The following CRYZL1 variants were observed in gnomAD, a reference collection of about 807,000 sequenced individuals.
CRYZL1 encodes ferry endosomal RAB5 effector complex subunit 4.
CRYZL1 carries 34 observed loss-of-function variants against 50.6 expected under a neutral mutation model. The ratio of observed to expected loss-of-function variants is 0.67; its 90% CI spans 0.51 to 0.89. The LOEUF (loss-of-function observed/expected upper bound fraction) is 0.89. Ranked by LOEUF, CRYZL1 falls within the 40% of genes least tolerant of loss-of-function variation. The probability of loss-of-function intolerance (pLI) is 0.00; values close to 1 mark genes in which losing one functional copy is unlikely to be tolerated. For missense variants in CRYZL1, 354 were observed against 402.3 expected (o/e 0.88, Z 1.03); for synonymous variants, 125 against 134.3 (o/e 0.93, Z 0.48).
chr21:33,631,589 TAAC>T (rs771830458), intron 1 of CRYZL1, 32 bp from the exon 2 acceptor site: 1 of 1,344,208 alleles, frequency 7.4e-7, no homozygotes, highest in Non-Finnish European at 9.8e-7. Flanking sequence ...TGAAATAAAA[TAAC>T]AAGTCTTCCA....
At chr21:33,637,788 T>TATATATATATATAC (rs1491462371) in intron 1 of CRYZL1, among the ~76,000 whole-genome samples, 16 of 117,212 alleles carry the variant, frequency 1.4e-4, no homozygotes, top group African/African-American at 4.6e-4. Flanking sequence ...TATATATATA[T>TATATATATATATAC]ACACACACAC....
chr21:33,615,158 T>C (rs1043390170), intron 5 of CRYZL1, among the ~76,000 whole-genome samples: 16 of 124,792 alleles, frequency 1.3e-4, no homozygotes, highest in East Asian at 2.9e-4. Context: ...TTCTCTCTTT[T>C]TTTTTTTTTT....
In CRYZL1 at chr21:33,589,660, C is replaced by T. The variant is rs3761349; in HGVS notation, c.*162G>A. 9.1e-5 allele frequency: 52 copies of T among 574,412 alleles called. No homozygotes were observed. The highest frequency in any genetic ancestry group is 8.9e-4 in the East Asian group (30 of 33,808). 35.6% of individuals were successfully genotyped at this position (574,412 alleles called of 1,614,324 possible). A position where few individuals can be genotyped will look rare whatever the true frequency, so the allele number is the denominator to read the frequency against. ...CATTTGCACAAGAATTTTTCAAACA[C>T]TTTTCAAATGTGTCAACTGAGCATC... On this transcript the variant is annotated 3_prime_UTR_variant, in exon 13 of 13. Transcript: ENST00000381554.
At chr21:33,591,279 C>T (rs74663963) in intron 11 of CRYZL1, 72 bp from the exon 12 acceptor site, 16,422 of 1,184,522 alleles carry the variant, frequency 0.014, 155 homozygotes, top group Non-Finnish European at 0.018. Flanking sequence ...GCAGAGGATG[C>T]CAGGCAGGCC....
At chr21:33,597,962 G>A (rs1282007528) in intron 9 of CRYZL1, among the ~76,000 whole-genome samples, 1 of 152,098 alleles carries the variant, frequency 6.6e-6, no homozygotes, top group Non-Finnish European at 1.5e-5. Context: ...CTTAGAAAAA[G>A]CAACACACAA....
chr21:33,611,445 AAT>A (rs1346589150), intron 6 of CRYZL1, among the ~76,000 whole-genome samples: 1 of 152,154 alleles, frequency 6.6e-6, no homozygotes, highest in Non-Finnish European at 1.5e-5. Context: ...CATTAATTTA[AAT>A]AAAAATTACT....
intron 10 of CRYZL1, 124 bp from the exon 11 acceptor site, chr21:33,595,960 T>G: frequency 1.5e-6 from 1 of 675,312 alleles, no homozygotes; most frequent in Non-Finnish European, 2.7e-6. Flanking sequence ...AATATGCACA[T>G]AAACTTTAAT....
intron 6 of CRYZL1, among the ~76,000 whole-genome samples, chr21:33,605,691 T>C (rs991086450): frequency 3.3e-5 from 5 of 151,170 alleles, no homozygotes; most frequent in Non-Finnish European, 7.4e-5. Flanking sequence ...CTGGCTAATT[T>C]TTGTATTTTT....
chr21:33,608,121 TAA>T (rs1163255935), intron 6 of CRYZL1, among the ~76,000 whole-genome samples: 1 of 152,198 alleles, frequency 6.6e-6, no homozygotes, highest in Non-Finnish European at 1.5e-5. Flanking sequence ...ACTCTATTAT[TAA>T]CTATACTCAC....
intron 6 of CRYZL1, among the ~76,000 whole-genome samples, chr21:33,612,424 T>C (rs1280803431): frequency 1.3e-5 from 2 of 152,022 alleles, no homozygotes; most frequent in African/African-American, 4.8e-5. Flanking sequence ...GTAGCTGGGA[T>C]TACAGGCGTG....
intron 11 of CRYZL1, among the ~76,000 whole-genome samples, chr21:33,594,050 T>C (rs964607970): frequency 2.6e-5 from 4 of 151,242 alleles, no homozygotes; most frequent in African/African-American, 9.7e-5. Context: ...CCTTAACTAA[T>C]GTTACTTTTG....
intron 6 of CRYZL1, among the ~76,000 whole-genome samples, chr21:33,605,404 C>G (rs999011358): frequency 2.6e-5 from 4 of 151,932 alleles, no homozygotes; most frequent in Non-Finnish European, 4.4e-5. Flanking sequence ...AAATGCAACT[C>G]CTAATATAGT....
intron 11 of CRYZL1, among the ~76,000 whole-genome samples, chr21:33,593,898 T>C (rs2086667267): frequency 7.1e-6 from 1 of 140,790 alleles, no homozygotes; most frequent in Non-Finnish European, 1.5e-5. Context: ...GACAGGAGAA[T>C]TGCTTGAACC....
At chr21:33,639,919 G>A (rs948037314) in intron 1 of CRYZL1, 16 of 296,236 alleles carry the variant, frequency 5.4e-5, no homozygotes, top group Non-Finnish European at 2.5e-5. Flanking sequence ...TCCGCCTCCC[G>A]GGTTCAAGCA....
At chr21:33,634,612 A>G (rs900129363) in intron 1 of CRYZL1, among the ~76,000 whole-genome samples, 1 of 151,966 alleles carries the variant, frequency 6.6e-6, no homozygotes, top group Non-Finnish European at 1.5e-5. Context: ...AATAAAAAAA[A>G]AAACAACTCT....
intron 6 of CRYZL1, among the ~76,000 whole-genome samples, chr21:33,611,682 A>ATATG (rs1198137771): frequency 6.6e-6 from 1 of 152,248 alleles, no homozygotes; most frequent in Non-Finnish European, 1.5e-5. Context: ...GCTACTATGG[A>ATATG]TATGGTATGA....
chr21:33,592,586 C>A (rs1454737406), intron 11 of CRYZL1, among the ~76,000 whole-genome samples: 1 of 152,094 alleles, frequency 6.6e-6, no homozygotes, highest in Non-Finnish European at 1.5e-5. Flanking sequence ...AATTATAATA[C>A]TAAGATCAAG....
intron 6 of CRYZL1, 105 bp downstream of exon 6, chr21:33,613,433 T>G: frequency 1.4e-6 from 1 of 739,920 alleles, no homozygotes; most frequent in Non-Finnish European, 2.3e-6. Flanking sequence ...GATACTTTAT[T>G]AAGTACAACA....
intron 6 of CRYZL1, among the ~76,000 whole-genome samples, chr21:33,604,355 C>CAAAAAAA (rs71194858): frequency 1.4e-5 from 1 of 69,622 alleles, no homozygotes; most frequent in Non-Finnish European, 2.5e-5. Context: ...GACTCCGTCT[C>CAAAAAAA]AAAAAAAAAA....
Sources: gnomAD v4.1 joint callset for allele counts (sites outside exome capture counted in the v4.1 genomes callset) on GRCh38, gnomAD v4.1.1 for gene constraint, MANE v1.5 for transcripts, NCBI Gene and HGNC (gene_info 2026-07-23, HGNC 2026-07-21) for gene names.